Variants in RIOK2 observed in about 807,000 individuals in gnomAD.
The protein encoded by RIOK2 is serine/threonine-protein kinase RIO2.
RIOK2 carries 46 observed loss-of-function variants against 62.4 expected under a neutral mutation model. The ratio of observed to expected loss-of-function variants is 0.74; its 90% CI spans 0.58 to 0.94. The LOEUF (loss-of-function observed/expected upper bound fraction) is 0.94. Ranked by LOEUF, RIOK2 falls within the 40% of genes least tolerant of loss-of-function variation. The probability of loss-of-function intolerance (pLI) is 0.00; values close to 1 mark genes in which losing one functional copy is unlikely to be tolerated. For synonymous variants in RIOK2, 197 were observed against 216.0 expected, an observed-to-expected ratio of 0.91 and a Z score of 0.77; for missense variants, 574 against 658.0, an observed-to-expected ratio of 0.87 and a Z score of 1.40.
At chr5:97,172,968 T>TTGAA (rs1475318372) in intron 5 of RIOK2, among the ~76,000 whole-genome samples, 19 of 152,186 alleles carry the variant, frequency 1.2e-4, no homozygotes, top group Admixed American at 1.2e-3. Context: ...TCTCTTAATA[T>TTGAA]TGAATGAATG....
In RIOK2 at chr5:97,162,543, A is replaced by T. The variant is rs7735019; in HGVS notation, c.*518T>A. ...AGTGGCACAAAACAGATTATTAATC[A>T]ATTAATTAAGCAAATTGTGCATCAC... is the stretch of plus-strand genomic sequence containing the variant. On this transcript the variant is annotated 3_prime_UTR_variant, in exon 10 of 10. Coordinates refer to ENST00000283109, the MANE Select transcript of RIOK2 (RefSeq NM_018343.3). The T allele has an allele frequency of 6.5e-6, 1 of 152,832 alleles. No individual in the cohort carries two copies. Among genetic ancestry groups the T allele is most frequent in the Non-Finnish European group, 1.5e-5 (1 of 68,516 alleles). 9.5% of individuals were successfully genotyped at this position (152,832 alleles called of 1,614,324 possible). A position where few individuals can be genotyped will look rare whatever the true frequency, so the allele number is the denominator to read the frequency against.
chr5:97,171,491 T>G, intron 5 of RIOK2, 94 bp from the exon 6 acceptor site: 1 of 785,398 alleles, frequency 1.3e-6, no homozygotes, highest in Non-Finnish European at 1.8e-6. Context: ...ATTATTTCCA[T>G]GCTGTGTATC....
intron 1 of RIOK2, among the ~76,000 whole-genome samples, chr5:97,179,540 T>C (rs1749277337): frequency 6.6e-6 from 1 of 151,948 alleles, no homozygotes; most frequent in Admixed American, 6.6e-5. Flanking sequence ...AAGTACTACA[T>C]GTAGGCATCG....
chr5:97,179,526 G>A (rs1400341049), intron 1 of RIOK2, among the ~76,000 whole-genome samples: 1 of 151,958 alleles, frequency 6.6e-6, no homozygotes, highest in Non-Finnish European at 1.5e-5. Flanking sequence ...GGTATTTAAT[G>A]AGAAAGTACT....
chr5:97,177,251 T>G lies in RIOK2; in HGVS notation c.363A>C (p.Ala121=), dbSNP rs141170867. 1.9e-6 allele frequency: 3 copies of G among 1,612,950 alleles called. No individual in the cohort carries two copies. The African/African-American group carries it at 4.0e-5, about 22-fold the overall frequency. The part of the protein sequence containing the change: ...IVANEEGQQF[A]LKLHRLGRTS... ...TTCTTCCTAGTCTGTGAAGCTTTAA[T>G]GCAAATTGTTGTCCTTCTTCATTTG... Residue 121 remains alanine (A), a synonymous_variant, in exon 4 of 10, where the codon GCA becomes GCC. Transcript: ENST00000283109.
intron 1 of RIOK2, chr5:97,182,674 T>C: frequency 4.4e-6 from 1 of 227,404 alleles, no homozygotes; most frequent in South Asian, 6.2e-5. Flanking sequence ...GTGAACCTCC[T>C]AATGTTGCTA....
At position 97,181,144 on chromosome 5, in the gene RIOK2, C is replaced by T. The variant is rs540239987; in HGVS notation, c.67-1951G>A. Among the ~76,000 whole-genome samples, 33 of 151,536 alleles carry T rather than the reference C, an allele frequency of 2.2e-4. No homozygotes were observed. The East Asian group carries it at 4.9e-3, about 22-fold the overall frequency. Reference sequence around the variant, plus strand: ...AAAATTAGCTGGGCGTGGTGGTGTGCGCCTATAGTCCCAGCTACTTGGGAG... The same window carrying T: ...AAAATTAGCTGGGCGTGGTGGTGTGTGCCTATAGTCCCAGCTACTTGGGAG... On this transcript the variant is annotated intron_variant, in intron 1 of 9. Coordinates refer to ENST00000283109, the MANE Select transcript of RIOK2 (RefSeq NM_018343.3).
Position 97,177,767 on chromosome 5 carries a change from G to C in RIOK2, c.287C>G (p.Ser96Cys), listed in dbSNP as rs2544773. ...GCCAACACCCATCTGGTTTCCAACA[G>C]ACTCAACTACTTGCCTAGAAGAAAG... ...KTLSSRQVVE[S>C]VGNQMGVGKE... The change falls in exon 3 of 10, where the codon TCT (serine) becomes TGT (cysteine). Residue 96 changes from serine to cysteine, a missense_variant. Physicochemically the swap from Ser to Cys is moderately radical, Grantham distance 112. Transcript: ENST00000283109. 648,275 of 1,608,320 alleles carry C rather than the reference G, an allele frequency of 0.4. 135,550 individuals carry two copies. Among genetic ancestry groups the C allele is most frequent in the East Asian group, 0.43 (19,474 of 44,788 alleles).
chr5:97,165,730 C>T (rs975933496), intron 8 of RIOK2, among the ~76,000 whole-genome samples: 3 of 152,146 alleles, frequency 2.0e-5, no homozygotes, highest in Non-Finnish European at 4.4e-5. Flanking sequence ...AAGTTTTGCC[C>T]AGCATGTATC....
chr5:97,181,806 T>G (rs1749421165), intron 1 of RIOK2, among the ~76,000 whole-genome samples: 1 of 152,160 alleles, frequency 6.6e-6, no homozygotes, highest in South Asian at 2.1e-4. Context: ...CACTAAGGAA[T>G]GAGTGTGCTG....
intron 2 of RIOK2, among the ~76,000 whole-genome samples, chr5:97,178,553 C>T (rs1253899541): frequency 2.0e-5 from 3 of 150,436 alleles, no homozygotes; most frequent in Non-Finnish European, 4.4e-5. Context: ...CCTACGTGCT[C>T]TTCTGCAGTA....
At chr5:97,164,641 A>G (rs769954120) in intron 9 of RIOK2, among the ~76,000 whole-genome samples, 2 of 152,212 alleles carry the variant, frequency 1.3e-5, no homozygotes, top group East Asian at 3.8e-4. Flanking sequence ...ATTAATCTTC[A>G]GCTCATATGA....
chr5:97,180,019 ATAT>A lies in RIOK2; in HGVS notation c.67-829_67-827del. The stretch of plus-strand genomic sequence containing the variant: ...TATATATATATTATATATATATAAT[ATAT>A]ATATAATATATATATTATATATATA... On this transcript the variant is annotated intron_variant, in intron 1 of 9. Transcript: ENST00000283109. 4.4e-5 allele frequency among the ~76,000 whole-genome samples: 3 copies of A among 67,676 alleles called. 1 individual carries two copies. Among genetic ancestry groups the A allele is most frequent in the Non-Finnish European group, 8.4e-5 (3 of 35,636 alleles). 44.4% of individuals were successfully genotyped at this position (67,676 alleles called of 152,430 possible).
rs551582128 is a variant in RIOK2 at position 97,170,776 on chromosome 5, A to G, written c.779+430T>C. ...ACTAGCCACTTCAAACCAGTGACTG[A>G]CCTAAATAATAGTATCACAAAATTG... On this transcript the variant is annotated intron_variant, in intron 6 of 9. Transcript: ENST00000283109. Among the ~76,000 whole-genome samples, 136 of 152,316 alleles carry G rather than the reference A, an allele frequency of 8.9e-4. 1 individual carries two copies. Among genetic ancestry groups the G allele is most frequent in the South Asian group, 1.9e-3 (9 of 4,826 alleles).
chr5:97,172,637 CTGAT>C (rs1307708011), intron 5 of RIOK2, among the ~76,000 whole-genome samples: 1 of 152,170 alleles, frequency 6.6e-6, no homozygotes, highest in Non-Finnish European at 1.5e-5. Flanking sequence ...ACTGAGATCA[CTGAT>C]TGATGAGATC....
Position 97,177,763 on chromosome 5 carries a change from A to C in RIOK2, c.291T>G (p.Val97=). Residue 97 remains valine (V), a synonymous_variant, in exon 3 of 10, where the codon GTT becomes GTG. Transcript: ENST00000283109. ...TLSSRQVVES[V]GNQMGVGKES... ...CTTTGCCAACACCCATCTGGTTTCCAACAGACTCAACTACTTGCCTAGAAG... is the reference window on the plus strand; with the variant it reads ...CTTTGCCAACACCCATCTGGTTTCCCACAGACTCAACTACTTGCCTAGAAG... 6.2e-7 allele frequency: 1 copy of C among 1,612,602 alleles called. No individual in the cohort carries two copies. Among genetic ancestry groups the C allele is most frequent in the Non-Finnish European group, 8.5e-7 (1 of 1,178,792 alleles).
At chr5:97,175,860 A>G (rs1233992203) in intron 4 of RIOK2, 1 of 152,226 alleles carries the variant, frequency 6.6e-6, no homozygotes, top group Non-Finnish European at 1.5e-5. Flanking sequence ...TGTTGGATAT[A>G]TTTAATTTGG....
Position 97,173,248 on chromosome 5 carries a change from T to G in RIOK2, c.514A>C (p.Lys172Gln). Residue 172 changes from lysine to glutamine, a missense_variant, in exon 5 of 10, where the codon AAA becomes CAA. Transcript: ENST00000283109. The part of the protein sequence containing the change: ...FAYMKALYER[K>Q]FPVPKPIDYN... ...TCAATTGGCTTTGGAACTGGAAATT[T>G]CCTCTCATACAATGCCTAAAATGTT... is the stretch of plus-strand genomic sequence containing the variant. 6.2e-7 allele frequency: 1 copy of G among 1,612,904 alleles called. No individual in the cohort carries two copies. The highest frequency in any genetic ancestry group is 8.5e-7 in the Non-Finnish European group (1 of 1,179,250).
At chr5:97,166,372 C>T (rs559536888) in intron 8 of RIOK2, 4 of 441,382 alleles carry the variant, frequency 9.1e-6, no homozygotes, top group Non-Finnish European at 1.8e-5. Flanking sequence ...AGATACACAG[C>T]TATATGAAAA....
Sources: gnomAD v4.1 joint callset for allele counts (sites outside exome capture counted in the v4.1 genomes callset) on GRCh38, gnomAD v4.1.1 for gene constraint, MANE v1.5 for transcripts, NCBI Gene and HGNC (gene_info 2026-07-23, HGNC 2026-07-21) for gene names.